The following NDST4 variants were observed in gnomAD, a reference collection of about 807,000 sequenced individuals.
NDST4 encodes N-deacetylase and N-sulfotransferase 4.
In NDST4, 63 loss-of-function variants were observed where a neutral mutation model predicts 100.8. The ratio of observed to expected loss-of-function variants is 0.62; its 90% CI spans 0.51 to 0.77. The LOEUF (loss-of-function observed/expected upper bound fraction) is 0.77. Among genes scored for constraint, NDST4 ranks in the 30% least tolerant of loss-of-function variants. NDST4 has a pLI of 0.00. For synonymous variants in NDST4, 377 were observed against 361.8 expected, an observed-to-expected ratio of 1.04 and a Z score of -0.48; for missense variants, 943 against 1,018.4, an observed-to-expected ratio of 0.93 and a Z score of 1.01.
chr4:115,049,642 G>C (rs1049078577), intron 2 of NDST4, among the ~76,000 whole-genome samples: 23 of 152,168 alleles, frequency 1.5e-4, no homozygotes, highest in Non-Finnish European at 3.2e-4. Flanking sequence ...ATGGAAAGGA[G>C]TTTTGCCCTG....
intron 9 of NDST4, among the ~76,000 whole-genome samples, chr4:114,847,038 C>T (rs72893326): frequency 0.071 from 10,795 of 152,002 alleles, 433 homozygotes; most frequent in African/African-American, 0.1. Context: ...ATCTGCTCGC[C>T]GGTGTTGCAC....
chr4:114,869,658 C>G (rs749219277), intron 7 of NDST4, among the ~76,000 whole-genome samples: 5 of 152,062 alleles, frequency 3.3e-5, no homozygotes, highest in Non-Finnish European at 5.9e-5. Flanking sequence ...TAAACACAAA[C>G]GGTAAAAAGC....
At chr4:115,000,784 G>T (rs1727274332) in intron 2 of NDST4, among the ~76,000 whole-genome samples, 1 of 151,966 alleles carries the variant, frequency 6.6e-6, no homozygotes, top group African/African-American at 2.4e-5. Flanking sequence ...TAGTCCATTT[G>T]GTCGGCTATA....
chr4:115,085,480 C>T (rs1440345366), intron 1 of NDST4, among the ~76,000 whole-genome samples: 1 of 152,100 alleles, frequency 6.6e-6, no homozygotes. Flanking sequence ...ACCCAAATCT[C>T]ATCTCGAATT....
At chr4:115,013,443 T>C (rs1358176973) in intron 2 of NDST4, among the ~76,000 whole-genome samples, 1 of 149,278 alleles carries the variant, frequency 6.7e-6, no homozygotes. Context: ...TGTTAATCTT[T>C]CTCCCAATCT....
At chr4:114,914,891 G>T (rs1045664411) in intron 6 of NDST4, among the ~76,000 whole-genome samples, 1 of 152,080 alleles carries the variant, frequency 6.6e-6, no homozygotes, top group East Asian at 1.9e-4. Context: ...GCCAGGCAGG[G>T]AATAGGTAAC....
chr4:114,970,330 A>C, intron 4 of NDST4, 100 bp downstream of exon 4: 1 of 1,032,006 alleles, frequency 9.7e-7, no homozygotes, highest in Non-Finnish European at 1.4e-6. Context: ...ATTATATTTT[A>C]TTCTATTTCT....
At chr4:115,046,368 G>C (rs1394619204) in intron 2 of NDST4, among the ~76,000 whole-genome samples, 2 of 152,098 alleles carry the variant, frequency 1.3e-5, no homozygotes, top group Admixed American at 1.3e-4. Context: ...TTTAACATAG[G>C]TTCCATTTAC....
chr4:114,850,892 G>T (rs1723662367), intron 8 of NDST4, among the ~76,000 whole-genome samples: 1 of 152,134 alleles, frequency 6.6e-6, no homozygotes, highest in African/African-American at 2.4e-5. Flanking sequence ...ACTATGATTT[G>T]AACTTTGAGT....
intron 2 of NDST4, among the ~76,000 whole-genome samples, chr4:114,981,501 A>G (rs921786998): frequency 3.3e-5 from 5 of 152,086 alleles, no homozygotes; most frequent in Non-Finnish European, 7.4e-5. Flanking sequence ...TCGAGCAATT[A>G]TTTTCAAGTT....
At chr4:114,922,363 G>A (rs1195704490) in intron 6 of NDST4, among the ~76,000 whole-genome samples, 2 of 152,162 alleles carry the variant, frequency 1.3e-5, no homozygotes, top group Non-Finnish European at 2.9e-5. Flanking sequence ...AACACACCAT[G>A]CATGCTCACC....
chr4:114,944,984 C>T (rs901918687), intron 4 of NDST4, among the ~76,000 whole-genome samples: 5 of 151,538 alleles, frequency 3.3e-5, no homozygotes, highest in Admixed American at 1.3e-4. Flanking sequence ...CCGAGGCAGG[C>T]GGATCATGTG....
At chr4:114,978,815 C>G (rs777011255) in intron 2 of NDST4, among the ~76,000 whole-genome samples, 1 of 152,048 alleles carries the variant, frequency 6.6e-6, no homozygotes, top group Non-Finnish European at 1.5e-5. Flanking sequence ...ATCCACTTAT[C>G]TTTCTTCCTC....
intron 4 of NDST4, among the ~76,000 whole-genome samples, chr4:114,960,018 C>T (rs2126235804): frequency 6.6e-6 from 1 of 152,174 alleles, no homozygotes; most frequent in East Asian, 1.9e-4. Context: ...CAAAGGCAAT[C>T]AGCAAATCTT....
intron 7 of NDST4, among the ~76,000 whole-genome samples, chr4:114,856,058 C>G (rs1012014379): frequency 6.6e-6 from 1 of 151,044 alleles, no homozygotes; most frequent in African/African-American, 2.4e-5. Flanking sequence ...CCTTCCTTTC[C>G]TTTCTTTCTT....
intron 11 of NDST4, among the ~76,000 whole-genome samples, chr4:114,834,524 A>C (rs954596198): frequency 9.9e-5 from 15 of 151,938 alleles, no homozygotes; most frequent in Non-Finnish European, 1.9e-4. Context: ...AAAAAAAAAA[A>C]AAAAAAAAAA....
intron 2 of NDST4, among the ~76,000 whole-genome samples, chr4:115,052,562 T>C (rs978320797): frequency 2.6e-5 from 4 of 152,000 alleles, no homozygotes; most frequent in Admixed American, 6.6e-5. Flanking sequence ...AGAGATCTTA[T>C]GGTTTTATAA....
intron 2 of NDST4, among the ~76,000 whole-genome samples, chr4:115,025,588 G>A (rs939953247): frequency 6.6e-6 from 1 of 151,980 alleles, no homozygotes; most frequent in Non-Finnish European, 1.5e-5. Flanking sequence ...CTTCATAATG[G>A]CCATAATCAG....
At chr4:115,098,483 C>T (rs983175295) in intron 1 of NDST4, among the ~76,000 whole-genome samples, 7 of 151,962 alleles carry the variant, frequency 4.6e-5, no homozygotes, top group South Asian at 2.1e-4. Flanking sequence ...AAAAAGAACA[C>T]GCAAAGTATA....
Sources: gnomAD v4.1 joint callset for allele counts (sites outside exome capture counted in the v4.1 genomes callset) on GRCh38, gnomAD v4.1.1 for gene constraint, MANE v1.5 for transcripts, NCBI Gene and HGNC (gene_info 2026-07-23, HGNC 2026-07-21) for gene names.